The following RAB3IP variants were observed in gnomAD, a reference collection of about 807,000 sequenced individuals.
The protein encoded by RAB3IP is RAB3A interacting protein.
A neutral mutation model predicts 59.1 loss-of-function variants in RAB3IP; 36 were observed. The observed-to-expected ratio is 0.61, with a 90% CI of 0.47 to 0.80. The LOEUF is 0.80. RAB3IP is among the 30% of genes least tolerant of loss of function. RAB3IP has a pLI of 0.00. For synonymous variants in RAB3IP, 207 were observed against 191.2 expected (o/e 1.08, Z -0.68); for missense variants, 511 against 536.0 (o/e 0.95, Z 0.46).
At chr12:69,807,571 A>G (rs11835563) in intron 8 of RAB3IP, among the ~76,000 whole-genome samples, 7,403 of 113,158 alleles carry the variant, frequency 0.065, 224 homozygotes, top group African/African-American at 0.094. Flanking sequence ...CCTCTCAGAC[A>G]GGGCGGCCGG....
chr12:69,758,329 T>G (rs1870552587), intron 3 of RAB3IP, among the ~76,000 whole-genome samples: 1 of 152,242 alleles, frequency 6.6e-6, no homozygotes, highest in Non-Finnish European at 1.5e-5. Flanking sequence ...AATGGTATAG[T>G]TTGGTTTAAA....
Position 69,759,595 on chromosome 12 carries a change from G to A in RAB3IP, c.510+2932G>A, listed in dbSNP as rs924672778. On this transcript the variant is annotated intron_variant, in intron 3 of 10. Transcript: ENST00000247833. ...GCGCCTCCGACCTCCCGGACGGGGC[G>A]GCGGCCGGGCGGAGGCGCCCCCCAC... Among the ~76,000 whole-genome samples the A allele has an allele frequency of 1.1e-4, 17 of 149,722 alleles. No individual in the cohort carries two copies. In the South Asian group the frequency reaches 1.5e-3, roughly 13 times the overall value.
intron 4 of RAB3IP, among the ~76,000 whole-genome samples, chr12:69,792,075 T>C (rs2136223601): frequency 6.6e-6 from 1 of 152,264 alleles, no homozygotes; most frequent in East Asian, 1.9e-4. Context: ...AAATGCTACA[T>C]TATCTCACTT....
intron 1 of RAB3IP, among the ~76,000 whole-genome samples, chr12:69,750,727 T>C (rs11177827): frequency 0.06 from 4,107 of 68,808 alleles, 209 homozygotes; most frequent in African/African-American, 0.15. Flanking sequence ...GGGGTCTTTC[T>C]TTTTTTTTTT....
chr12:69,792,249 C>T (rs1599745), intron 4 of RAB3IP, among the ~76,000 whole-genome samples: 135,139 of 152,156 alleles, frequency 0.89, 60,383 homozygotes, highest in Admixed American at 0.93. Context: ...ACGACTATAT[C>T]GTATGTTACA....
At chr12:69,764,125 A>G (rs988204966) in intron 3 of RAB3IP, among the ~76,000 whole-genome samples, 4 of 152,214 alleles carry the variant, frequency 2.6e-5, no homozygotes, top group African/African-American at 9.6e-5. Context: ...ATATATACCC[A>G]GTAATGGGAT....
intron 3 of RAB3IP, among the ~76,000 whole-genome samples, chr12:69,779,836 T>C (rs1407900318): frequency 1.3e-5 from 2 of 152,262 alleles, no homozygotes; most frequent in Admixed American, 6.5e-5. Context: ...TTTTAGGGTC[T>C]GTTATTGGTA....
intron 2 of RAB3IP, 71 bp from the exon 3 acceptor site, chr12:69,756,334 G>A: frequency 6.7e-7 from 1 of 1,486,090 alleles, no homozygotes; most frequent in South Asian, 1.3e-5. Context: ...CAGTTCTAGA[G>A]CTGTGTGTTT....
At chr12:69,745,973 G>T (rs1168936684) in intron 1 of RAB3IP, among the ~76,000 whole-genome samples, 1 of 152,136 alleles carries the variant, frequency 6.6e-6, no homozygotes, top group Non-Finnish European at 1.5e-5. Flanking sequence ...TATCTGTAAA[G>T]TAGGGATAAG....
chr12:69,763,260 C>T (rs1191424383), intron 3 of RAB3IP, among the ~76,000 whole-genome samples: 1 of 152,186 alleles, frequency 6.6e-6, no homozygotes, highest in Non-Finnish European at 1.5e-5. Context: ...GAGGAATGAG[C>T]AGGAACATTG....
chr12:69,795,499 G>A (rs973790545), intron 6 of RAB3IP, 155 bp downstream of exon 6: 27 of 632,752 alleles, frequency 4.3e-5, no homozygotes, highest in South Asian at 1.2e-4. Flanking sequence ...CTGCTTTCAG[G>A]GATTCTTCAG....
At position 69,795,156 on chromosome 12, in the gene RAB3IP, G is replaced by A; in HGVS notation, c.700G>A (p.Ala234Thr). The A allele has an allele frequency of 6.2e-7, 1 of 1,612,852 alleles. No homozygotes were observed. The highest frequency in any genetic ancestry group is 8.5e-7 in the Non-Finnish European group (1 of 1,179,048). The change falls in exon 6 of 11, where the codon GCT (alanine) becomes ACT (threonine). Residue 234 changes from alanine to threonine, a missense_variant. Transcript: ENST00000247833. ...EAQGKIDVLQ[A>T]EVAALKTLVL... ...TCTTTCCAAGATTGATGTACTTCAA[G>A]CTGAAGTAGCTGCATTGAAGACACT...
At chr12:69,790,315 G>A (rs978221100) in intron 4 of RAB3IP, among the ~76,000 whole-genome samples, 4 of 152,182 alleles carry the variant, frequency 2.6e-5, no homozygotes, top group African/African-American at 7.2e-5. Flanking sequence ...GTGTCAAAAA[G>A]CATCAAAAAG....
At chr12:69,755,155 C>A (rs1305988394) in intron 1 of RAB3IP, among the ~76,000 whole-genome samples, 2 of 152,110 alleles carry the variant, frequency 1.3e-5, no homozygotes, top group Admixed American at 1.3e-4. Flanking sequence ...GATCACGGCT[C>A]ACTGCAACCT....
chr12:69,749,579 A>G (rs1007090393), intron 1 of RAB3IP, among the ~76,000 whole-genome samples: 1 of 152,210 alleles, frequency 6.6e-6, no homozygotes, highest in Non-Finnish European at 1.5e-5. Context: ...CTTGTACTTT[A>G]TATTCATAGC....
chr12:69,746,897 T>C (rs190733558), intron 1 of RAB3IP, among the ~76,000 whole-genome samples: 1 of 152,344 alleles, frequency 6.6e-6, no homozygotes, highest in Admixed American at 6.5e-5. Context: ...CTTCCACAAC[T>C]GTCTGTGAAT....
chr12:69,751,607 C>T (rs937610296), intron 1 of RAB3IP, among the ~76,000 whole-genome samples: 5 of 152,104 alleles, frequency 3.3e-5, no homozygotes, highest in Non-Finnish European at 7.3e-5. Context: ...ATGACATTAG[C>T]ATAACTTATT....
intron 3 of RAB3IP, among the ~76,000 whole-genome samples, chr12:69,762,240 A>G (rs148827507): frequency 4.7e-4 from 71 of 152,294 alleles, no homozygotes; most frequent in African/African-American, 1.7e-3. Flanking sequence ...TTGGCCTTCC[A>G]TAGGATATTT....
chr12:69,762,373 G>A lies in RAB3IP; in HGVS notation c.510+5710G>A, dbSNP rs541711529. On this transcript the variant is annotated intron_variant, in intron 3 of 10. Coordinates refer to ENST00000247833, the MANE Select transcript of RAB3IP (RefSeq NM_022456.5). ...AATCAAATTATTGTGTTGAGGTTTG[G>A]GAATATGCATTTTCATCAAACTTGT... 2.6e-5 allele frequency among the ~76,000 whole-genome samples: 4 copies of A among 152,258 alleles called. 1 individual carries two copies. The South Asian group carries it at 8.3e-4, about 32-fold the overall frequency.
Sources: allele counts gnomAD v4.1 joint callset (sites outside exome capture counted in the v4.1 genomes callset), GRCh38; gene constraint gnomAD v4.1.1; transcripts MANE v1.5; gene names NCBI Gene and HGNC (gene_info 2026-07-23, HGNC 2026-07-21).